UQCC2: variants seen among roughly 807,000 people sequenced by gnomAD.
UQCC2 encodes breast cancer-associated protein SGA-81M.
Under a neutral mutation model 19.9 loss-of-function variants are expected in UQCC2, and 21 were observed. That is an observed-to-expected ratio of 1.05 (90% CI 0.75 to 1.52). The LOEUF (loss-of-function observed/expected upper bound fraction) is 1.52. Ranked by LOEUF, UQCC2 falls within the 40% of genes most tolerant of loss-of-function variation. The pLI, the probability that UQCC2 is intolerant of heterozygous loss-of-function variation, is 0.00. For synonymous variants in UQCC2, 57 were observed against 60.9 expected, an observed-to-expected ratio of 0.94 and a Z score of 0.30; for missense variants, 135 against 157.5, an observed-to-expected ratio of 0.86 and a Z score of 0.76.
intron 1 of UQCC2, among the ~76,000 whole-genome samples, chr6:33,703,453 A>G (rs1312148260): frequency 1.3e-5 from 2 of 152,074 alleles, no homozygotes; most frequent in African/African-American, 4.8e-5. Flanking sequence ...TTTAACAGAC[A>G]TTCATCGAGA....
intron 1 of UQCC2, among the ~76,000 whole-genome samples, chr6:33,704,385 C>T (rs1765675401): frequency 6.6e-6 from 1 of 152,158 alleles, no homozygotes; most frequent in African/African-American, 2.4e-5. Flanking sequence ...GAGCCCGTGC[C>T]CAGGGAATGG....
In UQCC2 at chr6:33,700,476, G is replaced by A. The variant is rs761334097; in HGVS notation, c.251C>T (p.Ser84Leu). Reference protein sequence around the residue: ...RPRDTSFSGLSLEEYKLILST... With the variant: ...RPRDTSFSGLLLEEYKLILST... ...CAGGATCAGCTTGTACTCTTCCAAC[G>A]ACAGGCCACTGAAGCTGGTGTCTCT... Residue 84 changes from serine (S) to leucine (L), a missense_variant, in exon 3 of 4, where the codon TCG becomes TTG. Coordinates refer to ENST00000607484, the MANE Select transcript of UQCC2 (RefSeq NM_032340.4). 27 of 1,614,056 alleles carry A rather than the reference G, an allele frequency of 1.7e-5. No individual in the cohort carries two copies. The highest frequency in any genetic ancestry group is 1.0e-4 in the Admixed American group (6 of 60,006).
intron 1 of UQCC2, among the ~76,000 whole-genome samples, chr6:33,708,294 G>A (rs1765723313): frequency 6.6e-6 from 1 of 152,234 alleles, no homozygotes; most frequent in South Asian, 2.1e-4. Context: ...AGCAGCTGAG[G>A]AAAGGCCAGG....
intron 1 of UQCC2, among the ~76,000 whole-genome samples, chr6:33,710,245 T>C (rs569414851): frequency 2.5e-4 from 38 of 152,268 alleles, no homozygotes; most frequent in Non-Finnish European, 4.4e-4. Context: ...TCCAGCCTCT[T>C]TTTTTGTTAT....
intron 1 of UQCC2, among the ~76,000 whole-genome samples, chr6:33,707,642 T>A (rs1446348178): frequency 1.3e-5 from 2 of 152,116 alleles, no homozygotes; most frequent in South Asian, 4.1e-4. Context: ...CCCCTCGGAG[T>A]TGCACCTTGT....
Position 33,711,623 on chromosome 6 carries a change from T to TG in UQCC2, c.63dup (p.Lys22GlnfsTer30). The TG allele has an allele frequency of 1.2e-6, 2 of 1,613,998 alleles. No individual in the cohort carries two copies. The highest frequency in any genetic ancestry group is 1.7e-6 in the Non-Finnish European group (2 of 1,179,928). On this transcript the variant is annotated frameshift_variant, in exon 1 of 4. Coordinates refer to ENST00000607484, the MANE Select transcript of UQCC2 (RefSeq NM_032340.4). LOFTEE classifies it high-confidence loss of function. ...TAAGCGCCCAAGTCCCGGCCCCGTT[T>TG]GGTCTCGTCCACTGGCCATTCCTCA...
chr6:33,699,188 T>A (rs1234896950), intron 3 of UQCC2, among the ~76,000 whole-genome samples: 1 of 152,216 alleles, frequency 6.6e-6, no homozygotes, highest in Non-Finnish European at 1.5e-5. Flanking sequence ...GGTCTTTTCT[T>A]GTCCTGTCAG....
intron 1 of UQCC2, among the ~76,000 whole-genome samples, chr6:33,704,000 A>G (rs1420083174): frequency 6.6e-6 from 1 of 152,200 alleles, no homozygotes; most frequent in Non-Finnish European, 1.5e-5. Flanking sequence ...TTTTTAAAGC[A>G]TACTGGCCAA....
intron 3 of UQCC2, among the ~76,000 whole-genome samples, chr6:33,699,828 C>A (rs9469566): frequency 0.42 from 64,467 of 152,096 alleles, 15,738 homozygotes; most frequent in East Asian, 0.85. Context: ...ATATAATATA[C>A]TTGGCAACAA....
chr6:33,704,472 A>G (rs1765676954), intron 1 of UQCC2, among the ~76,000 whole-genome samples: 1 of 152,166 alleles, frequency 6.6e-6, no homozygotes, highest in African/African-American at 2.4e-5. Flanking sequence ...GTGAGGAAGG[A>G]TGAAAAACTG....
At chr6:33,700,026 C>A (rs1765620749) in intron 3 of UQCC2, among the ~76,000 whole-genome samples, 1 of 152,132 alleles carries the variant, frequency 6.6e-6, no homozygotes, top group South Asian at 2.1e-4. Context: ...CAGACCACGT[C>A]CCCTGGGTCA....
intron 3 of UQCC2, chr6:33,698,467 T>C (rs896504179): frequency 1.3e-5 from 2 of 149,762 alleles, no homozygotes; most frequent in South Asian, 2.1e-4. Flanking sequence ...CCTCAAAAGT[T>C]GTAAGGATTA....
chr6:33,703,384 C>T (rs191752429), intron 1 of UQCC2, among the ~76,000 whole-genome samples: 9 of 152,282 alleles, frequency 5.9e-5, no homozygotes, highest in African/African-American at 1.9e-4. Context: ...AGGCTGGTCT[C>T]GAACTCCTGA....
At chr6:33,700,111 A>AAT (rs1765622023) in intron 3 of UQCC2, among the ~76,000 whole-genome samples, 1 of 152,234 alleles carries the variant, frequency 6.6e-6, no homozygotes, top group African/African-American at 2.4e-5. Context: ...TTCATTGTTT[A>AAT]TAAAGCCCTC....
chr6:33,709,199 G>C (rs759339268), intron 1 of UQCC2, among the ~76,000 whole-genome samples: 4 of 152,206 alleles, frequency 2.6e-5, no homozygotes, highest in Non-Finnish European at 4.4e-5. Context: ...CAGTGGTGAA[G>C]GCCAGGTTAT....
At position 33,697,572 on chromosome 6, in the gene UQCC2, G is replaced by A; in HGVS notation, c.*81C>T. The A allele has an allele frequency of 9.2e-7, 1 of 1,081,816 alleles. No individual in the cohort carries two copies. The highest frequency in any genetic ancestry group is 2.4e-5 in the East Asian group (1 of 41,796). The allele number at this position is 1,081,816 out of a possible 1,614,324, so 67.0% of individuals were successfully genotyped here. A position where few individuals can be genotyped will look rare whatever the true frequency, so the allele number is the denominator to read the frequency against. On this transcript the variant is annotated 3_prime_UTR_variant, in exon 4 of 4. Coordinates refer to ENST00000607484, the MANE Select transcript of UQCC2 (RefSeq NM_032340.4). ...GGAGATTCCCAAACCGTAAGGTCAAGGGGAAACTGGGGCAGTTTTATTGAC... is the reference window on the plus strand; with the variant it reads ...GGAGATTCCCAAACCGTAAGGTCAAAGGGAAACTGGGGCAGTTTTATTGAC...
intron 1 of UQCC2, among the ~76,000 whole-genome samples, chr6:33,709,102 C>T (rs78186581): frequency 9.8e-4 from 150 of 152,330 alleles, no homozygotes; most frequent in Admixed American, 8.5e-3. Flanking sequence ...TTGCTGGCTC[C>T]TCTTACACTA....
At chr6:33,703,504 T>A (rs188398293) in intron 1 of UQCC2, among the ~76,000 whole-genome samples, 104 of 152,196 alleles carry the variant, frequency 6.8e-4, no homozygotes, top group African/African-American at 2.4e-3. Context: ...AGGGGACGCT[T>A]GGGTGAATGA....
chr6:33,703,699 T>C (rs924269608), intron 1 of UQCC2, among the ~76,000 whole-genome samples: 4 of 152,150 alleles, frequency 2.6e-5, no homozygotes, highest in African/African-American at 7.2e-5. Flanking sequence ...CTTCTTCTGA[T>C]CCACTTGAAA....
Sources: gnomAD v4.1 joint callset for allele counts (sites outside exome capture counted in the v4.1 genomes callset) on GRCh38, gnomAD v4.1.1 for gene constraint, MANE v1.5 for transcripts, NCBI Gene and HGNC (gene_info 2026-07-23, HGNC 2026-07-21) for gene names.